SH3PXD2A: variants seen among roughly 807,000 people sequenced by gnomAD.
The protein encoded by SH3PXD2A is SH3 and PX domain-containing protein 2A.
In SH3PXD2A, 32 loss-of-function variants were observed where a neutral mutation model predicts 115.2. The ratio of observed to expected loss-of-function variants is 0.28; its 90% CI spans 0.21 to 0.37. The LOEUF is 0.37. Among genes scored for constraint, SH3PXD2A ranks in the 10% least tolerant of loss-of-function variants. The pLI is 1.00. For synonymous variants in SH3PXD2A, 610 were observed against 629.1 expected, an observed-to-expected ratio of 0.97 and a Z score of 0.45; for missense variants, 1,328 against 1,498.7, an observed-to-expected ratio of 0.89 and a Z score of 1.88.
chr10:103,811,589 T>C (rs997019582), intron 1 of SH3PXD2A, among the ~76,000 whole-genome samples: 3 of 152,234 alleles, frequency 2.0e-5, no homozygotes, highest in Non-Finnish European at 2.9e-5. Context: ...CTCTATATCC[T>C]GAACTCTTTG....
In SH3PXD2A at chr10:103,808,590, T is replaced by C. The variant is rs59535930; in HGVS notation, c.73-7228A>G. Among the ~76,000 whole-genome samples, 1,446 of 152,208 alleles carry C rather than the reference T, an allele frequency of 9.5e-3. 19 individuals are homozygous for C. The highest frequency in any genetic ancestry group is 0.03 in the African/African-American group (1,248 of 41,532). On this transcript the variant is annotated intron_variant, in intron 1 of 14. Transcript: ENST00000369774. Reference sequence around the variant, plus strand: ...GACATGGCTGCACCCAGATAAAAATTTCCCCAGACTTCCGACATCTGATCT... The same window carrying C: ...GACATGGCTGCACCCAGATAAAAATCTCCCCAGACTTCCGACATCTGATCT...
rs779173732 is a variant in SH3PXD2A, at chr10:103,603,711, C to T, written c.1507G>A (p.Asp503Asn). The change falls in exon 15 of 15, where the codon GAT (aspartate) becomes AAT (asparagine). Residue 503 changes from aspartate to asparagine, a missense_variant. Asp to Asn is a conservative substitution (Grantham distance 23). Coordinates refer to ENST00000369774, the MANE Select transcript of SH3PXD2A (RefSeq NM_001394015.1). ...CTCAGGTTGGGCTTCTTGCGCTTAT[C>T]GATGTATGATGCGGGGGCCCAGCCC... Reference protein sequence around the residue: ...KEGWAPASYIDKRKKPNLSRR... With the variant: ...KEGWAPASYINKRKKPNLSRR... 10 of 1,610,804 alleles carry T rather than the reference C, an allele frequency of 6.2e-6. No individual in the cohort carries two copies. Among genetic ancestry groups the T allele is most frequent in the African/African-American group, 5.3e-5 (4 of 74,894 alleles).
At chr10:103,700,374 C>T (rs1224896295) in intron 5 of SH3PXD2A, among the ~76,000 whole-genome samples, 3 of 152,212 alleles carry the variant, frequency 2.0e-5, no homozygotes, top group Non-Finnish European at 4.4e-5. Context: ...GGAAAGGACC[C>T]GTAGCCCAAT....
intron 13 of SH3PXD2A, among the ~76,000 whole-genome samples, chr10:103,607,183 C>CA: frequency 6.6e-6 from 1 of 150,864 alleles, no homozygotes; most frequent in African/African-American, 2.4e-5. Flanking sequence ...TCTCCCCGGC[C>CA]GCGACCCCGT....
rs972706517 is a variant in SH3PXD2A, at chr10:103,820,980, A to G, written c.73-19618T>C. Among the ~76,000 whole-genome samples the G allele has an allele frequency of 5.9e-5, 9 of 152,114 alleles. No homozygotes were observed. The South Asian group carries it at 8.3e-4, about 14-fold the overall frequency. On this transcript the variant is annotated intron_variant, in intron 1 of 14. Transcript: ENST00000369774. ...CTTAACTGGTGTAAGATCTTGGACA[A>G]ATCAACGAGTTTCTCTGACCCTGCA... is the stretch of plus-strand genomic sequence containing the variant.
intron 3 of SH3PXD2A, among the ~76,000 whole-genome samples, chr10:103,751,641 T>C (rs550441193): frequency 1.3e-5 from 2 of 152,306 alleles, no homozygotes; most frequent in South Asian, 2.1e-4. Flanking sequence ...TGGGCACAGA[T>C]GAAAAAACTA....
chr10:103,776,418 G>T (rs893502657), intron 2 of SH3PXD2A, among the ~76,000 whole-genome samples: 1 of 137,524 alleles, frequency 7.3e-6, no homozygotes, highest in Admixed American at 7.5e-5. Context: ...AAAAAAGTGT[G>T]TGCATGCGTG....
At chr10:103,855,122 G>A in intron 1 of SH3PXD2A, 73 bp downstream of exon 1, 1 of 1,087,892 alleles carries the variant, frequency 9.2e-7, no homozygotes, top group Non-Finnish European at 1.3e-6. Flanking sequence ...CAGCTGGGAG[G>A]GGCAAGGGGC....
In SH3PXD2A at chr10:103,746,298, A is replaced by G. The variant is rs533941453; in HGVS notation, c.230-10490T>C. The G allele has an allele frequency of 6.6e-6, 1 of 152,274 alleles. No individual in the cohort carries two copies. The highest frequency in any genetic ancestry group is 1.9e-4 in the East Asian group (1 of 5,168). The allele number at this position is 152,274 out of a possible 1,614,324, so 9.4% of individuals were successfully genotyped here. On this transcript the variant is annotated intron_variant, in intron 3 of 14. Transcript: ENST00000369774. The surrounding 1 kb of genome is among the most constrained non-coding windows in gnomAD (Gnocchi z 4.4). The stretch of plus-strand genomic sequence containing the variant: ...CAGCATTCTAGAGCAGTGGGACCAG[A>G]ACCATTTCTTTCTTTTTTATTTTTA...
At chr10:103,720,943 C>T (rs1343782428) in intron 5 of SH3PXD2A, among the ~76,000 whole-genome samples, 1 of 152,220 alleles carries the variant, frequency 6.6e-6, no homozygotes, top group Non-Finnish European at 1.5e-5. Context: ...CACAGCTGAG[C>T]TCACTTCCTG....
rs743244 is a variant in SH3PXD2A at position 103,834,561 on chromosome 10, C to T, written c.72+20634G>A. On this transcript the variant is annotated intron_variant, in intron 1 of 14. Coordinates refer to ENST00000369774, the MANE Select transcript of SH3PXD2A (RefSeq NM_001394015.1). ...ATCATACTCTTTAAGTGAATTGGTCCTATGGTATGGGAATTATATCTCAAT... is the reference window on the plus strand; with the variant it reads ...ATCATACTCTTTAAGTGAATTGGTCTTATGGTATGGGAATTATATCTCAAT... Among the ~76,000 whole-genome samples, 16 of 152,318 alleles carry T rather than the reference C, an allele frequency of 1.1e-4. No individual in the cohort carries two copies. The South Asian group carries it at 3.3e-3, about 32-fold the overall frequency.
rs1469475328 is a variant in SH3PXD2A, at chr10:103,599,696, C to G, written c.*2120G>C. ...TTAATTAAAAAATAATGAACCACTTCTTTATCATTATTGTTCAAATAAGTA... is the reference window on the plus strand; with the variant it reads ...TTAATTAAAAAATAATGAACCACTTGTTTATCATTATTGTTCAAATAAGTA... On this transcript the variant is annotated 3_prime_UTR_variant, in exon 15 of 15. Coordinates refer to ENST00000369774, the MANE Select transcript of SH3PXD2A (RefSeq NM_001394015.1). The G allele has an allele frequency of 6.6e-6, 1 of 152,620 alleles. No individual in the cohort carries two copies. The highest frequency in any genetic ancestry group is 1.5e-5 in the Non-Finnish European group (1 of 68,030). The allele number at this position is 152,620 out of a possible 1,614,324, so 9.5% of individuals were successfully genotyped here.
intron 2 of SH3PXD2A, among the ~76,000 whole-genome samples, chr10:103,779,215 C>T (rs1480630133): frequency 6.6e-6 from 1 of 152,196 alleles, no homozygotes; most frequent in African/African-American, 2.4e-5. Context: ...ATTACAGGCA[C>T]CTGCCACCAC....
intron 1 of SH3PXD2A, among the ~76,000 whole-genome samples, chr10:103,848,536 G>A (rs1334419943): frequency 2.6e-5 from 4 of 152,120 alleles, no homozygotes; most frequent in Admixed American, 6.5e-5. Context: ...TGCTGCCATC[G>A]GAGCCTCTCA....
At chr10:103,691,736 T>C (rs1233064266) in intron 6 of SH3PXD2A, among the ~76,000 whole-genome samples, 1 of 151,902 alleles carries the variant, frequency 6.6e-6, no homozygotes, top group East Asian at 1.9e-4. Flanking sequence ...CATAACCAGA[T>C]ATATCTCAAC....
At chr10:103,739,450 G>C (rs1025453020) in intron 3 of SH3PXD2A, among the ~76,000 whole-genome samples, 3 of 152,144 alleles carry the variant, frequency 2.0e-5, no homozygotes, top group African/African-American at 7.2e-5. Context: ...TTGGCCAGTG[G>C]GGGAGAGAGG....
At chr10:103,819,129 G>C (rs966248176) in intron 1 of SH3PXD2A, among the ~76,000 whole-genome samples, 3 of 152,196 alleles carry the variant, frequency 2.0e-5, no homozygotes, top group Non-Finnish European at 4.4e-5. Context: ...CGCTTATTAC[G>C]TGCTGGGCTC....
intron 8 of SH3PXD2A, among the ~76,000 whole-genome samples, chr10:103,657,859 C>T (rs1406856936): frequency 6.6e-6 from 1 of 152,210 alleles, no homozygotes; most frequent in African/African-American, 2.4e-5. Flanking sequence ...GCCATCTCAC[C>T]CAGCCTGCAT....
chr10:103,677,489 C>T (rs1271317437), intron 6 of SH3PXD2A, among the ~76,000 whole-genome samples: 1 of 152,074 alleles, frequency 6.6e-6, no homozygotes, highest in East Asian at 1.9e-4. Flanking sequence ...TCCACTGGTG[C>T]AAGACAGGGG....
Sources: allele counts gnomAD v4.1 joint callset (sites outside exome capture counted in the v4.1 genomes callset), GRCh38; gene constraint gnomAD v4.1.1; non-coding constraint Gnocchi (gnomAD v3.1); transcripts MANE v1.5; gene names NCBI Gene and HGNC (gene_info 2026-07-23, HGNC 2026-07-21).